MARCHF1: variants seen among roughly 807,000 people sequenced by gnomAD.
MARCHF1 encodes the protein E3 ubiquitin-protein ligase MARCHF1.
In MARCHF1, 40 loss-of-function variants were observed where a neutral mutation model predicts 54.2. The observed-to-expected ratio is 0.74, with a 90% confidence interval of 0.57 to 0.96. The LOEUF (loss-of-function observed/expected upper bound fraction) is 0.96. Among genes scored for constraint, MARCHF1 ranks in the 40% least tolerant of loss-of-function variants. The pLI is 0.00. For synonymous variants in MARCHF1, 236 were observed against 236.3 expected (o/e 1.00, Z 0.01); for missense variants, 586 against 656.5 (o/e 0.89, Z 1.17).
intron 1 of MARCHF1, among the ~76,000 whole-genome samples, chr4:164,362,491 G>A (rs1229497479): frequency 1.3e-5 from 2 of 152,228 alleles, no homozygotes; most frequent in South Asian, 2.1e-4. Flanking sequence ...TCCACCAGGG[G>A]CCTTGTACCC....
At chr4:164,320,353 C>T (rs553682187) in intron 1 of MARCHF1, among the ~76,000 whole-genome samples, 70 of 152,220 alleles carry the variant, frequency 4.6e-4, no homozygotes, top group African/African-American at 1.7e-3. Flanking sequence ...GAGGGGAGCC[C>T]TTGCAAAACA....
chr4:163,864,775 A>G (rs914960069), intron 3 of MARCHF1, among the ~76,000 whole-genome samples: 9 of 152,056 alleles, frequency 5.9e-5, no homozygotes, highest in African/African-American at 2.2e-4. Flanking sequence ...CATAACCTGT[A>G]GAAAAGTTTG....
chr4:163,725,176 C>G (rs1745614182), intron 4 of MARCHF1, among the ~76,000 whole-genome samples: 1 of 152,076 alleles, frequency 6.6e-6, no homozygotes, highest in Non-Finnish European at 1.5e-5. Flanking sequence ...TATAATGGCT[C>G]TAGAAAATCT....
intron 3 of MARCHF1, among the ~76,000 whole-genome samples, chr4:163,917,365 C>A (rs1751332734): frequency 6.6e-6 from 1 of 152,062 alleles, no homozygotes; most frequent in Non-Finnish European, 1.5e-5. Context: ...AACAATGTAC[C>A]ATTTTGCATT....
chr4:164,304,805 G>C (rs1470337317), intron 1 of MARCHF1, among the ~76,000 whole-genome samples: 1 of 152,106 alleles, frequency 6.6e-6, no homozygotes, highest in Non-Finnish European at 1.5e-5. Context: ...ATAAATACCA[G>C]GGCTGTGTTT....
intron 1 of MARCHF1, among the ~76,000 whole-genome samples, chr4:164,327,671 A>G (rs986695331): frequency 2.6e-5 from 4 of 152,204 alleles, no homozygotes; most frequent in African/African-American, 9.6e-5. Flanking sequence ...CATCACAGTA[A>G]TTCAGGAAGA....
chr4:163,892,308 T>A (rs1008813005), intron 3 of MARCHF1, among the ~76,000 whole-genome samples: 1 of 152,142 alleles, frequency 6.6e-6, no homozygotes, highest in Non-Finnish European at 1.5e-5. Flanking sequence ...ATTTATTGTC[T>A]AAAACTTTAG....
intron 5 of MARCHF1, among the ~76,000 whole-genome samples, chr4:163,631,243 A>C (rs1255177581): frequency 6.6e-6 from 1 of 151,924 alleles, no homozygotes; most frequent in African/African-American, 2.4e-5. Flanking sequence ...TCTAGACTGG[A>C]GTGCAGTGGT....
At chr4:164,022,465 A>C (rs1255765094) in intron 2 of MARCHF1, among the ~76,000 whole-genome samples, 2 of 152,226 alleles carry the variant, frequency 1.3e-5, no homozygotes, top group Admixed American at 1.3e-4. Context: ...TGTGGGGTAC[A>C]CAAATGCTAG....
At chr4:163,540,943 AG>A (rs1216105943) in intron 9 of MARCHF1, among the ~76,000 whole-genome samples, 1 of 152,086 alleles carries the variant, frequency 6.6e-6, no homozygotes, top group Non-Finnish European at 1.5e-5. Flanking sequence ...GAGCCCAGGG[AG>A]GGGGACTGAG....
At chr4:164,012,068 C>T (rs2110944860) in intron 2 of MARCHF1, among the ~76,000 whole-genome samples, 1 of 152,286 alleles carries the variant, frequency 6.6e-6, no homozygotes, top group Non-Finnish European at 1.5e-5. Flanking sequence ...CAGGAAAAAC[C>T]TCAGTCGTAG....
chr4:163,816,672 T>C lies in MARCHF1; in HGVS notation c.111+37349A>G, dbSNP rs140468368. Among the ~76,000 whole-genome samples the C allele has an allele frequency of 7.2e-5, 11 of 152,226 alleles. No individual in the cohort carries two copies. The East Asian group carries it at 2.1e-3, about 29-fold the overall frequency. ...CCTTTTGAGATAAGTGGTGCTATTATCTCTCCTTACAGAGGGGGGCACTGA... is the reference window on the plus strand; with the variant it reads ...CCTTTTGAGATAAGTGGTGCTATTACCTCTCCTTACAGAGGGGGGCACTGA... On this transcript the variant is annotated intron_variant, in intron 4 of 9. Coordinates refer to ENST00000514618, the MANE Select transcript of MARCHF1 (RefSeq NM_001394959.1).
chr4:164,038,035 T>C (rs1754046145), intron 2 of MARCHF1, among the ~76,000 whole-genome samples: 1 of 152,182 alleles, frequency 6.6e-6, no homozygotes, highest in African/African-American at 2.4e-5. Flanking sequence ...GGGAGCTTTG[T>C]TGTGATTAAA....
chr4:164,340,405 TTA>T lies in MARCHF1; in HGVS notation c.-323+43463_-323+43464del, dbSNP rs1554002572. Among the ~76,000 whole-genome samples, 28 of 95,650 alleles carry T rather than the reference TTA, an allele frequency of 2.9e-4. 2 individuals carry two copies. Among genetic ancestry groups the T allele is most frequent in the South Asian group, 1.1e-3 (3 of 2,826 alleles). 62.8% of individuals were successfully genotyped at this position (95,650 alleles called of 152,430 possible). On this transcript the variant is annotated intron_variant, in intron 1 of 9. Coordinates refer to ENST00000514618, the MANE Select transcript of MARCHF1 (RefSeq NM_001394959.1). Reference sequence around the variant, plus strand: ...ACAGCACATGCCACCAGGCCTTGATTTATATATAGATATATATATATATATAT... The same window carrying T: ...ACAGCACATGCCACCAGGCCTTGATTTATATAGATATATATATATATATAT...
intron 3 of MARCHF1, among the ~76,000 whole-genome samples, chr4:163,929,984 A>C (rs1290194370): frequency 1.6e-5 from 2 of 127,446 alleles, no homozygotes; most frequent in Admixed American, 1.7e-4. Flanking sequence ...TATATATAAT[A>C]TATATATAAT....
intron 1 of MARCHF1, among the ~76,000 whole-genome samples, chr4:164,310,835 G>T (rs975679270): frequency 6.6e-6 from 1 of 152,058 alleles, no homozygotes; most frequent in South Asian, 2.1e-4. Flanking sequence ...ATCATACACA[G>T]TTTAGAATTT....
At chr4:163,840,026 A>T (rs2111127003) in intron 4 of MARCHF1, among the ~76,000 whole-genome samples, 1 of 152,300 alleles carries the variant, frequency 6.6e-6, no homozygotes, top group South Asian at 2.1e-4. Context: ...AACATAAAAG[A>T]TGACATCACT....
chr4:163,816,887 C>T (rs879713588), intron 4 of MARCHF1, among the ~76,000 whole-genome samples: 9 of 152,072 alleles, frequency 5.9e-5, no homozygotes, highest in Admixed American at 1.3e-4. Context: ...CCACTGCACC[C>T]CACCACTGCC....
intron 1 of MARCHF1, among the ~76,000 whole-genome samples, chr4:164,235,369 AAT>A (rs772397175): frequency 6.6e-6 from 1 of 152,148 alleles, no homozygotes; most frequent in Admixed American, 6.6e-5. Context: ...TATAAAAATA[AAT>A]ATGTTTCAGA....
Sources: gnomAD v4.1 joint callset for allele counts (sites outside exome capture counted in the v4.1 genomes callset) on GRCh38, gnomAD v4.1.1 for gene constraint, MANE v1.5 for transcripts, NCBI Gene and HGNC (gene_info 2026-07-23, HGNC 2026-07-21) for gene names.